The following PCDH7 variants were observed in gnomAD, a reference collection of about 807,000 sequenced individuals.
PCDH7 encodes protocadherin-7.
PCDH7 carries 17 observed loss-of-function variants against 58.9 expected under a neutral mutation model. The observed-to-expected ratio is 0.29, with a 90% CI of 0.20 to 0.43. The LOEUF (loss-of-function observed/expected upper bound fraction) is 0.43. Ranked by LOEUF, PCDH7 falls within the 20% of genes least tolerant of loss-of-function variation. The pLI, the probability that PCDH7 is intolerant of heterozygous loss-of-function variation, is 1.00. For missense variants in PCDH7, 1,274 were observed against 1,441.0 expected (o/e 0.88, Z 1.88); for synonymous variants, 664 against 616.4 (o/e 1.08, Z -1.14).
intron 3 of PCDH7, among the ~76,000 whole-genome samples, chr4:31,088,616 T>C (rs1326345319): frequency 6.6e-6 from 1 of 152,078 alleles, no homozygotes; most frequent in Admixed American, 6.6e-5. Context: ...AACATATCAG[T>C]AATAATTACC....
intron 1 of PCDH7, among the ~76,000 whole-genome samples, chr4:30,851,207 A>G (rs1560434671): frequency 6.6e-6 from 1 of 151,852 alleles, no homozygotes; most frequent in Non-Finnish European, 1.5e-5. Context: ...TATCACACAA[A>G]TGCTAAAAAC....
chr4:30,772,301 G>C (rs778799886), intron 1 of PCDH7, among the ~76,000 whole-genome samples: 1 of 152,204 alleles, frequency 6.6e-6, no homozygotes, highest in South Asian at 2.1e-4. Context: ...AGAAATCAGC[G>C]GAAGACATTT....
At chr4:30,764,096 A>T (rs1036411972) in intron 1 of PCDH7, among the ~76,000 whole-genome samples, 3 of 152,166 alleles carry the variant, frequency 2.0e-5, no homozygotes, top group African/African-American at 7.2e-5. Context: ...GAAAGATCCT[A>T]ATCTTTCAGG....
At chr4:30,727,702 T>C (rs1483423171) in intron 1 of PCDH7, among the ~76,000 whole-genome samples, 3 of 151,940 alleles carry the variant, frequency 2.0e-5, no homozygotes, top group Non-Finnish European at 4.4e-5. Flanking sequence ...GAACTAGAAG[T>C]ACAACTGTGT....
intron 3 of PCDH7, among the ~76,000 whole-genome samples, chr4:31,010,465 T>C (rs1753085390): frequency 6.6e-6 from 1 of 151,884 alleles, no homozygotes; most frequent in African/African-American, 2.4e-5. Context: ...TCTAAAAAAA[T>C]TGGAAAAGGT....
At chr4:30,830,013 T>C (rs1729576881) in intron 1 of PCDH7, among the ~76,000 whole-genome samples, 1 of 152,154 alleles carries the variant, frequency 6.6e-6, no homozygotes, top group African/African-American at 2.4e-5. Context: ...ACGTTAATTT[T>C]TAAAACTTAT....
At chr4:30,818,052 T>C (rs1172997705) in intron 1 of PCDH7, among the ~76,000 whole-genome samples, 2 of 152,126 alleles carry the variant, frequency 1.3e-5, no homozygotes, top group Admixed American at 1.3e-4. Flanking sequence ...CCAGGTCTAG[T>C]CCCTGTCTGG....
chr4:30,801,735 C>T (rs1577861766), intron 1 of PCDH7, among the ~76,000 whole-genome samples: 1 of 152,052 alleles, frequency 6.6e-6, no homozygotes, highest in African/African-American at 2.4e-5. Flanking sequence ...GATGAAGAAA[C>T]ATGTGCAGGA....
chr4:30,788,072 T>G (rs1723643988), intron 1 of PCDH7, among the ~76,000 whole-genome samples: 1 of 152,224 alleles, frequency 6.6e-6, no homozygotes, highest in East Asian at 1.9e-4. Context: ...AAACTCATAG[T>G]GTCCTCCTTC....
At chr4:30,843,977 G>A (rs1731577585) in intron 1 of PCDH7, among the ~76,000 whole-genome samples, 1 of 152,134 alleles carries the variant, frequency 6.6e-6, no homozygotes, top group African/African-American at 2.4e-5. Flanking sequence ...AGGAGCAAAT[G>A]TCATGATCTT....
At chr4:30,938,724 C>T (rs1745665800) in intron 2 of PCDH7, among the ~76,000 whole-genome samples, 1 of 151,916 alleles carries the variant, frequency 6.6e-6, no homozygotes, top group South Asian at 2.1e-4. Context: ...TTTTATAATA[C>T]AGTAAGCTTT....
rs1008778761 is a variant in PCDH7 at position 31,045,265 on chromosome 4, CTCTT to C, written c.*7+95052_*7+95055del. ...CTGGTCTTTCTGATGTGTCTTCTCT[CTCTT>C]TTTTCTTTTTGCACTTTTTTTCCCT... On this transcript the variant is annotated intron_variant, in intron 3 of 3. Coordinates refer to the PCDH7 transcript ENST00000509759. 7.2e-5 allele frequency among the ~76,000 whole-genome samples: 11 copies of C among 152,094 alleles called. 1 individual carries two copies. In the East Asian group the frequency reaches 1.5e-3, roughly 21 times the overall value.
intron 2 of PCDH7, among the ~76,000 whole-genome samples, chr4:30,945,799 C>G (rs1746600733): frequency 6.6e-6 from 1 of 152,074 alleles, no homozygotes; most frequent in Non-Finnish European, 1.5e-5. Context: ...GCAAAGGTTT[C>G]CAGATTCCTT....
chr4:30,809,682 C>T (rs1726728072), intron 1 of PCDH7, among the ~76,000 whole-genome samples: 1 of 152,278 alleles, frequency 6.6e-6, no homozygotes, highest in Non-Finnish European at 1.5e-5. Flanking sequence ...TGAACCTAGG[C>T]CCTTTGGAGG....
chr4:31,136,696 T>C (rs1224881053), intron 3 of PCDH7, among the ~76,000 whole-genome samples: 1 of 152,190 alleles, frequency 6.6e-6, no homozygotes, highest in Non-Finnish European at 1.5e-5. Flanking sequence ...TCTGAGTCAG[T>C]GATTCCCGCC....
intron 2 of PCDH7, among the ~76,000 whole-genome samples, chr4:30,935,612 A>C (rs4261943): frequency 0.69 from 105,541 of 151,924 alleles, 36,696 homozygotes; most frequent in East Asian, 0.78. Flanking sequence ...CAGAGATATT[A>C]ATCAAGTAAT....
At chr4:30,887,963 C>G (rs534376552) in intron 1 of PCDH7, among the ~76,000 whole-genome samples, 1 of 151,688 alleles carries the variant, frequency 6.6e-6, no homozygotes, top group Non-Finnish European at 1.5e-5. Context: ...GCAACCTCTG[C>G]CTCCCGGGTG....
chr4:31,015,031 A>G (rs1451777922), intron 3 of PCDH7, among the ~76,000 whole-genome samples: 1 of 152,226 alleles, frequency 6.6e-6, no homozygotes, highest in African/African-American at 2.4e-5. Flanking sequence ...ATTTAATGTG[A>G]TGAAGTTCCT....
At chr4:30,982,411 C>T (rs922638135) in intron 3 of PCDH7, among the ~76,000 whole-genome samples, 2 of 152,120 alleles carry the variant, frequency 1.3e-5, no homozygotes, top group African/African-American at 4.8e-5. Flanking sequence ...CCTCATCCCA[C>T]TTTTCCTGGC....
Sources: allele counts gnomAD v4.1 joint callset (sites outside exome capture counted in the v4.1 genomes callset), GRCh38; gene constraint gnomAD v4.1.1; transcripts MANE v1.5; gene names NCBI Gene and HGNC (gene_info 2026-07-23, HGNC 2026-07-21).